The following NCKAP1 variants were observed in gnomAD, a reference collection of about 807,000 sequenced individuals.
NCKAP1 encodes the protein nck-associated protein 1.
NCKAP1 carries 21 observed loss-of-function variants against 151.2 expected under a neutral mutation model. That is an observed-to-expected ratio of 0.14 (90% CI 0.10 to 0.20). The LOEUF is 0.20. Ranked by LOEUF, NCKAP1 falls within the 10% of genes least tolerant of loss-of-function variation. The pLI, the probability that NCKAP1 is intolerant of heterozygous loss-of-function variation, is 1.00. For synonymous variants in NCKAP1, 484 were observed against 451.8 expected (o/e 1.07, Z -0.90); for missense variants, 933 against 1,352.1 (o/e 0.69, Z 4.86).
At chr2:182,999,316 C>T (rs1430722363) in intron 6 of NCKAP1, among the ~76,000 whole-genome samples, 7 of 152,014 alleles carry the variant, frequency 4.6e-5, no homozygotes, top group Admixed American at 3.9e-4. Flanking sequence ...AACCACCCCA[C>T]TAAAATGTGG....
At chr2:183,011,743 A>G (rs1199661369) in intron 2 of NCKAP1, among the ~76,000 whole-genome samples, 8 of 152,210 alleles carry the variant, frequency 5.3e-5, no homozygotes, top group African/African-American at 1.9e-4. Flanking sequence ...TTGGGTAGAC[A>G]TATTTTCATT....
At chr2:182,929,002 T>G (rs1321770974) in intron 27 of NCKAP1, 103 bp from the exon 28 acceptor site, 1 of 721,616 alleles carries the variant, frequency 1.4e-6, no homozygotes, top group Admixed American at 3.1e-5. Context: ...ATGGTTTACT[T>G]TTTTTTTTGA....
intron 8 of NCKAP1, among the ~76,000 whole-genome samples, chr2:182,990,528 T>C (rs910405432): frequency 6.6e-6 from 1 of 152,216 alleles, no homozygotes; most frequent in African/African-American, 2.4e-5. Flanking sequence ...GGAAATCCTA[T>C]ATAAATGTAT....
In NCKAP1 at chr2:183,009,421, GGGAAGGAAGGAAGGAAGGAA is replaced by G. The variant is rs1168445882; in HGVS notation, c.220-6116_220-6097del. ...GGAGGGGGAGACAGGAAAGAGGGAA[GGGAAGGAAGGAAGGAAGGAA>G]GGAAGGAAGGAAGGAAGGAAGGAAG... On this transcript the variant is annotated intron_variant, in intron 2 of 30. Transcript: ENST00000361354. 4.5e-4 allele frequency among the ~76,000 whole-genome samples: 37 copies of G among 82,572 alleles called. 2 individuals carry two copies. The South Asian group carries it at 0.01, about 23-fold the overall frequency. 54.2% of individuals were successfully genotyped at this position (82,572 alleles called of 152,430 possible).
chr2:182,941,126 G>A (rs1575019028), intron 24 of NCKAP1, among the ~76,000 whole-genome samples: 1 of 151,080 alleles, frequency 6.6e-6, no homozygotes, highest in Non-Finnish European at 1.5e-5. Flanking sequence ...TTTTATTTGG[G>A]ATTTCATTTT....
At chr2:182,989,801 AC>A (rs1698131128) in intron 8 of NCKAP1, among the ~76,000 whole-genome samples, 1 of 152,016 alleles carries the variant, frequency 6.6e-6, no homozygotes, top group East Asian at 1.9e-4. Context: ...GGAGTTCGAG[AC>A]CAGCCTGACC....
At chr2:183,026,617 CA>C (rs1384012981) in intron 1 of NCKAP1, among the ~76,000 whole-genome samples, 4 of 152,030 alleles carry the variant, frequency 2.6e-5, no homozygotes, top group Admixed American at 6.6e-5. Flanking sequence ...CAGTATGTCT[CA>C]AAGGTTAAAA....
At position 182,925,836 on chromosome 2, in the gene NCKAP1, TC is replaced by T. The variant is rs1356677418; in HGVS notation, c.3271-19del. The T allele has an allele frequency of 1.4e-6, 2 of 1,387,414 alleles. No homozygotes were observed. Among genetic ancestry groups the T allele is most frequent in the Non-Finnish European group, 2.0e-6 (2 of 1,021,018 alleles). 85.9% of individuals were successfully genotyped at this position (1,387,414 alleles called of 1,614,324 possible). On this transcript the variant is annotated intron_variant, in intron 30 of 30. Coordinates refer to ENST00000361354, the MANE Select transcript of NCKAP1 (RefSeq NM_013436.5). ...TGTACAATCTGTAAAATTCAAAAAATCCATCAAAACAAGTTATTTATAACTT... is the reference window on the plus strand; with the variant it reads ...TGTACAATCTGTAAAATTCAAAAAATCATCAAAACAAGTTATTTATAACTT...
At chr2:183,017,071 G>A (rs1297271091) in intron 2 of NCKAP1, among the ~76,000 whole-genome samples, 1 of 152,134 alleles carries the variant, frequency 6.6e-6, no homozygotes, top group Non-Finnish European at 1.5e-5. Context: ...ATAATCACAT[G>A]TTCCATATTG....
chr2:182,989,023 G>A lies in NCKAP1; in HGVS notation c.947+7C>T. 1 of 1,601,266 alleles carries A rather than the reference G, an allele frequency of 6.2e-7. No homozygotes were observed. The highest frequency in any genetic ancestry group is 8.5e-7 in the Non-Finnish European group (1 of 1,176,382). On this transcript the variant is annotated splice_region_variant and intron_variant, in intron 9 of 30. Coordinates refer to ENST00000361354, the MANE Select transcript of NCKAP1 (RefSeq NM_013436.5). ...CAAAAAAGACAAAATAAATGAAAATGCCATACCCTCGTATGTTTACAAATA... is the reference window on the plus strand; with the variant it reads ...CAAAAAAGACAAAATAAATGAAAATACCATACCCTCGTATGTTTACAAATA...
At chr2:183,024,840 A>C in intron 1 of NCKAP1, 1 of 872,346 alleles carries the variant, frequency 1.1e-6, no homozygotes, top group African/African-American at 1.7e-5. Context: ...ATGTGTGAGG[A>C]AATACACTAC....
chr2:183,004,210 G>A (rs1358418307), intron 2 of NCKAP1, among the ~76,000 whole-genome samples: 1 of 150,960 alleles, frequency 6.6e-6, no homozygotes, highest in African/African-American at 2.5e-5. Context: ...ATACCCAGGT[G>A]TTGTAAACAC....
At chr2:183,025,124 T>C (rs1435540260) in intron 1 of NCKAP1, 2 of 821,270 alleles carry the variant, frequency 2.4e-6, no homozygotes, top group Non-Finnish European at 3.9e-6. Context: ...TAGAATTATA[T>C]GGTGCTACAA....
At position 182,925,278 on chromosome 2, in the gene NCKAP1, T is replaced by G. The variant is rs1696619173; in HGVS notation, c.*424A>C. ...CAGAAATGCACATCCAATGTTGTTT[T>G]CAATAAGAACCATAGGTACAGATCA... On this transcript the variant is annotated 3_prime_UTR_variant, in exon 31 of 31. Coordinates refer to ENST00000361354, the MANE Select transcript of NCKAP1 (RefSeq NM_013436.5). The G allele has an allele frequency of 6.6e-6, 1 of 152,216 alleles. No individual in the cohort carries two copies. The allele number at this position is 152,216 out of a possible 1,614,324, so 9.4% of individuals were successfully genotyped here. A position where few individuals can be genotyped will look rare whatever the true frequency, so the allele number is the denominator to read the frequency against.
chr2:183,015,074 T>C (rs188142457), intron 2 of NCKAP1, among the ~76,000 whole-genome samples: 15 of 152,364 alleles, frequency 9.8e-5, no homozygotes, highest in African/African-American at 3.6e-4. Context: ...TAATGCTCAT[T>C]GGCAGCCTCA....
At chr2:182,977,249 G>A (rs2105848852) in intron 14 of NCKAP1, among the ~76,000 whole-genome samples, 1 of 152,276 alleles carries the variant, frequency 6.6e-6, no homozygotes, top group East Asian at 1.9e-4. Flanking sequence ...AGCACTTTGG[G>A]AGGCCGAGGC....
rs1448028172 is a variant in NCKAP1, at chr2:182,917,280, T to C, written c.*8422A>G. 1 of 152,208 alleles carries C rather than the reference T, an allele frequency of 6.6e-6. No homozygotes were observed. Among genetic ancestry groups the C allele is most frequent in the Non-Finnish European group, 1.5e-5 (1 of 68,028 alleles). 9.4% of individuals were successfully genotyped at this position (152,208 alleles called of 1,614,324 possible). A position where few individuals can be genotyped will look rare whatever the true frequency, so the allele number is the denominator to read the frequency against. On this transcript the variant is annotated 3_prime_UTR_variant, in exon 31 of 31. Coordinates refer to ENST00000361354, the MANE Select transcript of NCKAP1 (RefSeq NM_013436.5). The stretch of plus-strand genomic sequence containing the variant: ...TGAGGCTGTGGCATCATACTTCAAG[T>C]CATATCCACGTCCAAAATCCTACCA...
intron 23 of NCKAP1, among the ~76,000 whole-genome samples, chr2:182,946,507 G>T (rs1697109468): frequency 6.6e-6 from 1 of 151,860 alleles, no homozygotes; most frequent in Admixed American, 6.6e-5. Context: ...TACTACCTAG[G>T]TGACAAAATA....
intron 24 of NCKAP1, among the ~76,000 whole-genome samples, chr2:182,940,774 A>G (rs1696979826): frequency 6.6e-6 from 1 of 152,194 alleles, no homozygotes; most frequent in African/African-American, 2.4e-5. Context: ...TGTTACCACT[A>G]TGTAACACAC....
Sources: gnomAD v4.1 joint callset for allele counts (sites outside exome capture counted in the v4.1 genomes callset) on GRCh38, gnomAD v4.1.1 for gene constraint, MANE v1.5 for transcripts, NCBI Gene and HGNC (gene_info 2026-07-23, HGNC 2026-07-21) for gene names.